ZDHHC21: variants seen among roughly 807,000 people sequenced by gnomAD.
ZDHHC21 encodes the protein zDHHC palmitoyltransferase 21.
Under a neutral mutation model 34.6 loss-of-function variants are expected in ZDHHC21, and 15 were observed. The observed-to-expected ratio is 0.43, with a 90% confidence interval of 0.29 to 0.67. ZDHHC21 has a LOEUF of 0.67. Ranked by LOEUF, ZDHHC21 falls within the 30% of genes least tolerant of loss-of-function variation. The probability of loss-of-function intolerance (pLI) is 0.14; values close to 1 mark genes in which losing one functional copy is unlikely to be tolerated. For synonymous variants in ZDHHC21, 142 were observed against 101.8 expected (o/e 1.40, Z -2.38); for missense variants, 344 against 327.7 (o/e 1.05, Z -0.38).
intron 1 of ZDHHC21, among the ~76,000 whole-genome samples, chr9:14,691,938 T>G (rs997572195): frequency 6.6e-6 from 1 of 152,260 alleles, no homozygotes; most frequent in Non-Finnish European, 1.5e-5. Context: ...TAATTTAGTC[T>G]GGCTCTCTGA....
rs1020776319 is a variant in ZDHHC21, at chr9:14,611,246, T to C, written c.*7720A>G. Reference sequence around the variant, plus strand: ...AAATTAAAAACAACAACATTGTTCTTAAGGTAGATACATGGTTTGATTTTC... The same window carrying C: ...AAATTAAAAACAACAACATTGTTCTCAAGGTAGATACATGGTTTGATTTTC... On this transcript the variant is annotated 3_prime_UTR_variant, in exon 10 of 10. Transcript: ENST00000380916. The C allele has an allele frequency of 6.6e-6, 1 of 152,026 alleles. No homozygotes were observed. The highest frequency in any genetic ancestry group is 1.5e-5 in the Non-Finnish European group (1 of 67,942). 9.4% of individuals were successfully genotyped at this position (152,026 alleles called of 1,614,324 possible). A position where few individuals can be genotyped will look rare whatever the true frequency, so the allele number is the denominator to read the frequency against.
the ZDHHC21 span, among the ~76,000 whole-genome samples, chr9:14,590,386 T>C: frequency 1.3e-5 from 2 of 152,118 alleles, no homozygotes; most frequent in African/African-American, 4.8e-5. Context: ...GTTTTCCAAA[T>C]CTGATGAAAA....
rs371719053 is a variant in ZDHHC21 at position 14,619,068 on chromosome 9, G to A, written c.696C>T (p.Thr232=). The A allele has an allele frequency of 2.5e-6, 4 of 1,611,444 alleles. No individual in the cohort carries two copies. Among genetic ancestry groups the A allele is most frequent in the Non-Finnish European group, 3.4e-6 (4 of 1,178,786 alleles). ...ISRPRKPWQQ[T]FSEVFGTRWK... ...AACGAGTGCCAAAAACTTCTGAGAA[G>A]GTCTGCTGCCATGGCTTTCGGGGCC... is the stretch of plus-strand genomic sequence containing the variant. Residue 232 remains threonine, a synonymous_variant, in exon 10 of 10, where the codon ACC becomes ACT. Coordinates refer to ENST00000380916, the MANE Select transcript of ZDHHC21 (RefSeq NM_178566.6).
In ZDHHC21 at chr9:14,612,948, C is replaced by T. The variant is rs1823572644; in HGVS notation, c.*6018G>A. 6.6e-6 allele frequency: 1 copy of T among 151,484 alleles called. No homozygotes were observed. Among genetic ancestry groups the T allele is most frequent in the East Asian group, 1.9e-4 (1 of 5,164 alleles). The allele number at this position is 151,484 out of a possible 1,614,324, so 9.4% of individuals were successfully genotyped here. A position where few individuals can be genotyped will look rare whatever the true frequency, so the allele number is the denominator to read the frequency against. On this transcript the variant is annotated 3_prime_UTR_variant, in exon 10 of 10. Transcript: ENST00000380916. ...TCTTAGTATTTTGTTTCAGTATTCA[C>T]TAAAGTGCCCAATAAGCTATATAGT...
intron 3 of ZDHHC21, among the ~76,000 whole-genome samples, chr9:14,674,765 A>T (rs1044834135): frequency 1.3e-5 from 2 of 151,990 alleles, no homozygotes; most frequent in Non-Finnish European, 2.9e-5. Context: ...TTATGTACAA[A>T]AATTTTTAGT....
At position 14,656,429 on chromosome 9, in the gene ZDHHC21, G is replaced by C. The variant is rs1446269005; in HGVS notation, c.504+2320C>G. ...ATATACCTAACTTGATAATATGTAT[G>C]AATTACTTCATTCATTGAGATAACA... On this transcript the variant is annotated intron_variant, in intron 7 of 9. Transcript: ENST00000380916. Among the ~76,000 whole-genome samples the C allele has an allele frequency of 2.0e-5, 3 of 151,780 alleles. No homozygotes were observed. The South Asian group carries it at 6.2e-4, about 32-fold the overall frequency.
intron 8 of ZDHHC21, among the ~76,000 whole-genome samples, chr9:14,626,740 TTATCA>T (rs1826298575): frequency 6.6e-6 from 1 of 151,928 alleles, no homozygotes; most frequent in Non-Finnish European, 1.5e-5. Flanking sequence ...TTTTATAAAC[TTATCA>T]TATACAAAAT....
At chr9:14,671,562 C>G (rs891234049) in intron 5 of ZDHHC21, among the ~76,000 whole-genome samples, 4 of 151,990 alleles carry the variant, frequency 2.6e-5, no homozygotes, top group East Asian at 1.9e-4. Flanking sequence ...ATCCTTAGAG[C>G]TTGGGGTAAA....
At position 14,617,444 on chromosome 9, in the gene ZDHHC21, A is replaced by G. The variant is rs937668710; in HGVS notation, c.*1522T>C. Reference sequence around the variant, plus strand: ...AATTTCTGAAAGAACTAACCACAGTATAGCCAACTGGCTGACAATGGTAAC... The same window carrying G: ...AATTTCTGAAAGAACTAACCACAGTGTAGCCAACTGGCTGACAATGGTAAC... On this transcript the variant is annotated 3_prime_UTR_variant, in exon 10 of 10. Transcript: ENST00000380916. The G allele has an allele frequency of 1.3e-5, 2 of 152,056 alleles. No individual in the cohort carries two copies. The highest frequency in any genetic ancestry group is 4.8e-5 in the African/African-American group (2 of 41,446). 9.4% of individuals were successfully genotyped at this position (152,056 alleles called of 1,614,324 possible).
At chr9:14,589,824 C>G in the ZDHHC21 span, 1 of 152,196 alleles carries the variant, frequency 6.6e-6, no homozygotes. Context: ...AGTAATTCAA[C>G]TATCAAAACG....
intron 4 of ZDHHC21, among the ~76,000 whole-genome samples, chr9:14,673,963 C>A (rs1345162072): frequency 1.3e-5 from 2 of 152,106 alleles, no homozygotes; most frequent in East Asian, 1.9e-4. Context: ...AAATGGTCTT[C>A]ATGCACTTTG....
At chr9:14,606,663 T>C (rs979174638), downstream of ZDHHC21, among the ~76,000 whole-genome samples, 1 of 152,104 alleles carries the variant, frequency 6.6e-6, no homozygotes, top group African/African-American at 2.4e-5. Context: ...TTTGGGATTG[T>C]TATATAGCAA....
chr9:14,682,204 T>C (rs575864367), intron 2 of ZDHHC21, among the ~76,000 whole-genome samples: 4 of 152,142 alleles, frequency 2.6e-5, no homozygotes, highest in Non-Finnish European at 4.4e-5. Flanking sequence ...TAACCTTAAA[T>C]GTAAATGGGC....
chr9:14,620,607 G>A (rs1336514765), intron 8 of ZDHHC21, among the ~76,000 whole-genome samples: 1 of 151,858 alleles, frequency 6.6e-6, no homozygotes, highest in Non-Finnish European at 1.5e-5. Flanking sequence ...GCAGCTACAG[G>A]TAAAATCCCA....
intron 8 of ZDHHC21, among the ~76,000 whole-genome samples, chr9:14,622,924 G>A (rs886623694): frequency 6.6e-6 from 1 of 151,952 alleles, no homozygotes; most frequent in Admixed American, 6.6e-5. Context: ...ATTATTATAG[G>A]TCTTGTTGAT....
chr9:14,678,814 G>A (rs979438456), intron 3 of ZDHHC21, among the ~76,000 whole-genome samples: 1 of 152,064 alleles, frequency 6.6e-6, no homozygotes, highest in African/African-American at 2.4e-5. Flanking sequence ...TACACCCATA[G>A]TGTAGACTAT....
intron 6 of ZDHHC21, among the ~76,000 whole-genome samples, chr9:14,660,770 C>T (rs895618595): frequency 5.9e-5 from 9 of 152,168 alleles, no homozygotes; most frequent in African/African-American, 2.2e-4. Context: ...TATTTGGTCA[C>T]CAATAAGTGA....
At chr9:14,627,347 T>A (rs549045290) in intron 8 of ZDHHC21, among the ~76,000 whole-genome samples, 20 of 152,260 alleles carry the variant, frequency 1.3e-4, no homozygotes, top group Admixed American at 1.2e-3. Flanking sequence ...AACATTAACT[T>A]GCTGAGTTAA....
chr9:14,605,419 T>C, the ZDHHC21 span, among the ~76,000 whole-genome samples: 1 of 152,176 alleles, frequency 6.6e-6, no homozygotes, highest in Non-Finnish European at 1.5e-5. Context: ...CGTTGTAATT[T>C]TGCATCTCTC....
Sources: gnomAD v4.1 joint callset for allele counts (sites outside exome capture counted in the v4.1 genomes callset) on GRCh38, gnomAD v4.1.1 for gene constraint, MANE v1.5 for transcripts, NCBI Gene and HGNC (gene_info 2026-07-23, HGNC 2026-07-21) for gene names.